The following RABEPK variants were observed in gnomAD, a reference collection of about 807,000 sequenced individuals.
RABEPK encodes the protein 40 kDa Rab9 effector protein.
In RABEPK, 27 loss-of-function variants were observed where a neutral mutation model predicts 34.1. The observed-to-expected ratio is 0.79, with a 90% confidence interval of 0.58 to 1.09. The LOEUF is 1.09. Ranked by LOEUF, RABEPK falls within the 50% of genes least tolerant of loss-of-function variation. RABEPK has a pLI of 0.00. For synonymous variants in RABEPK, 172 were observed against 169.2 expected (o/e 1.02, Z -0.13); for missense variants, 449 against 462.6 (o/e 0.97, Z 0.27).
At chr9:125,211,722 C>A (rs1184479702) in intron 3 of RABEPK, among the ~76,000 whole-genome samples, 1 of 152,120 alleles carries the variant, frequency 6.6e-6, no homozygotes, top group Non-Finnish European at 1.5e-5. Flanking sequence ...TCCCCCAGCA[C>A]CTTGGGAGGC....
chr9:125,230,193 G>A (rs890515034), intron 6 of RABEPK, among the ~76,000 whole-genome samples: 9 of 151,964 alleles, frequency 5.9e-5, no homozygotes, highest in African/African-American at 1.9e-4. Context: ...CCAACTCCAG[G>A]ACTCAAGGGA....
At chr9:125,211,161 C>T (rs1389467081) in intron 3 of RABEPK, among the ~76,000 whole-genome samples, 10 of 149,514 alleles carry the variant, frequency 6.7e-5, no homozygotes, top group South Asian at 2.2e-4. Flanking sequence ...GGCATGAACC[C>T]GGGAGGCAGA....
chr9:125,224,225 AC>A lies in RABEPK; in HGVS notation c.526+3526del, dbSNP rs1202721872. On this transcript the variant is annotated intron_variant, in intron 5 of 7. Coordinates refer to ENST00000373538, the MANE Select transcript of RABEPK (RefSeq NM_005833.4). ...AACAAAAACAAAACAAAAAAAAAAA[AC>A]AACAGAGTTTTTGCAGTACTCCTTT... Among the ~76,000 whole-genome samples, 472 of 151,582 alleles carry A rather than the reference AC, an allele frequency of 3.1e-3. 1 individual carries two copies. The highest frequency in any genetic ancestry group is 5.2e-3 in the Non-Finnish European group (356 of 67,882).
chr9:125,226,970 G>C (rs1052478916), intron 5 of RABEPK, among the ~76,000 whole-genome samples: 5 of 152,018 alleles, frequency 3.3e-5, no homozygotes, highest in Non-Finnish European at 7.4e-5. Context: ...AGGAGTTCGA[G>C]ACCAGCCTGA....
intron 4 of RABEPK, among the ~76,000 whole-genome samples, chr9:125,218,619 T>C (rs1019365023): frequency 6.6e-6 from 1 of 152,186 alleles, no homozygotes; most frequent in Non-Finnish European, 1.5e-5. Flanking sequence ...TGAAATTTTA[T>C]TCTCCAGTCA....
At chr9:125,205,830 C>T (rs864882) in intron 2 of RABEPK, among the ~76,000 whole-genome samples, 34,019 of 152,066 alleles carry the variant, frequency 0.22, 4,516 homozygotes, top group East Asian at 0.3. Flanking sequence ...CAGAATAGAG[C>T]TCTGAATGGG....
At chr9:125,233,463 C>T (rs986485947) in intron 7 of RABEPK, among the ~76,000 whole-genome samples, 6 of 151,438 alleles carry the variant, frequency 4.0e-5, no homozygotes, top group African/African-American at 7.3e-5. Flanking sequence ...CTCAGCCTCC[C>T]GAGTAGCTGG....
intron 5 of RABEPK, among the ~76,000 whole-genome samples, chr9:125,225,820 G>A (rs922454042): frequency 2.6e-5 from 4 of 151,826 alleles, no homozygotes; most frequent in African/African-American, 9.7e-5. Flanking sequence ...AAAATTAGCC[G>A]GGCTTGGTGG....
chr9:125,231,489 T>C (rs1832174425), intron 6 of RABEPK, among the ~76,000 whole-genome samples: 1 of 151,974 alleles, frequency 6.6e-6, no homozygotes, highest in Non-Finnish European at 1.5e-5. Flanking sequence ...TCTATTCTTG[T>C]TTGCTCATTT....
chr9:125,226,135 G>A (rs1027138328), intron 5 of RABEPK, among the ~76,000 whole-genome samples: 1 of 144,742 alleles, frequency 6.9e-6, no homozygotes, highest in African/African-American at 2.6e-5. Flanking sequence ...GGGTAAGAGA[G>A]TAAGACTTTG....
At chr9:125,229,247 C>G (rs181498565) in intron 6 of RABEPK, among the ~76,000 whole-genome samples, 16 of 151,214 alleles carry the variant, frequency 1.1e-4, no homozygotes, top group African/African-American at 3.4e-4. Context: ...CAGCAAGACT[C>G]CGTCTCCAAA....
At position 125,220,560 on chromosome 9, in the gene RABEPK, C is replaced by A. The variant is rs74769898; in HGVS notation, c.386C>A (p.Pro129Gln). The A allele has an allele frequency of 6.0e-3, 9,731 of 1,613,982 alleles. 145 individuals are homozygous for A. The highest frequency in any genetic ancestry group is 0.034 in the East Asian group (1,540 of 44,870). ...CCAGAAACCAGGACGTGGACCACGC[C>A]AGAAGTGACCAGCCCCCCACCATCC... Reference protein sequence around the residue: ...LNPETRTWTTPEVTSPPPSPR... With the variant: ...LNPETRTWTTQEVTSPPPSPR... Residue 129 changes from proline (P) to glutamine (Q), a missense_variant, in exon 5 of 8, where the codon CCA becomes CAA. Transcript: ENST00000373538.
At chr9:125,224,641 A>G (rs1831609155) in intron 5 of RABEPK, among the ~76,000 whole-genome samples, 1 of 151,908 alleles carries the variant, frequency 6.6e-6, no homozygotes, top group South Asian at 2.1e-4. Flanking sequence ...TTCTTAGTAG[A>G]GATGGGGTTT....
intron 4 of RABEPK, among the ~76,000 whole-genome samples, chr9:125,220,103 A>G (rs1440015512): frequency 2.0e-5 from 3 of 151,824 alleles, no homozygotes; most frequent in Non-Finnish European, 4.4e-5. Flanking sequence ...GGTTCAAGCG[A>G]TTCTCCTGCC....
intron 4 of RABEPK, among the ~76,000 whole-genome samples, chr9:125,219,096 C>T (rs780573611): frequency 2.6e-5 from 4 of 151,456 alleles, no homozygotes; most frequent in Admixed American, 6.6e-5. Context: ...CTGTAAAATG[C>T]GGAAATTAAT....
chr9:125,218,737 C>G (rs1432326538), intron 4 of RABEPK, among the ~76,000 whole-genome samples: 3 of 151,972 alleles, frequency 2.0e-5, no homozygotes, highest in Non-Finnish European at 4.4e-5. Flanking sequence ...CTCTCTTTCT[C>G]TCTCTCTTTC....
chr9:125,213,559 A>C, intron 4 of RABEPK, 37 bp downstream of exon 4: 1 of 1,574,050 alleles, frequency 6.4e-7, no homozygotes, highest in Non-Finnish European at 8.7e-7. Flanking sequence ...ACGTACATAC[A>C]AATAAACTTT....
chr9:125,226,850 C>T (rs550016450), intron 5 of RABEPK, among the ~76,000 whole-genome samples: 1 of 148,838 alleles, frequency 6.7e-6, no homozygotes, highest in Non-Finnish European at 1.5e-5. Context: ...GGCGACAGAG[C>T]GAGACTCTGT....
intron 4 of RABEPK, among the ~76,000 whole-genome samples, chr9:125,217,710 T>C: frequency 6.6e-6 from 1 of 152,166 alleles, no homozygotes. Flanking sequence ...TCAGGACTCC[T>C]TTGTGATTCT....
Sources: allele counts gnomAD v4.1 joint callset (sites outside exome capture counted in the v4.1 genomes callset), GRCh38; gene constraint gnomAD v4.1.1; transcripts MANE v1.5; gene names NCBI Gene and HGNC (gene_info 2026-07-23, HGNC 2026-07-21).